Variants in ZNF385D observed in about 807,000 individuals in gnomAD.
The protein encoded by ZNF385D is zinc finger protein 659.
In ZNF385D, 15 loss-of-function variants were observed where a neutral mutation model predicts 35.8. That is an observed-to-expected ratio of 0.42 (90% CI 0.28 to 0.64). The LOEUF is 0.64. Among genes scored for constraint, ZNF385D ranks in the 30% least tolerant of loss-of-function variants. The probability of loss-of-function intolerance (pLI) is 0.23; values close to 1 mark genes in which losing one functional copy is unlikely to be tolerated. For synonymous variants in ZNF385D, 212 were observed against 186.8 expected, an observed-to-expected ratio of 1.13 and a Z score of -1.10; for missense variants, 474 against 494.6, an observed-to-expected ratio of 0.96 and a Z score of 0.39.
At chr3:22,352,512 C>G (rs929960605) in intron 2 of ZNF385D, among the ~76,000 whole-genome samples, 2 of 152,180 alleles carry the variant, frequency 1.3e-5, no homozygotes, top group African/African-American at 4.8e-5. Context: ...TCTTGGATTT[C>G]AAATTAAGAG....
At chr3:22,113,230 G>T (rs939966761) in intron 3 of ZNF385D, among the ~76,000 whole-genome samples, 1 of 151,978 alleles carries the variant, frequency 6.6e-6, no homozygotes, top group Admixed American at 6.6e-5. Context: ...TCCTGAATTG[G>T]TTTATTTCTG....
In ZNF385D at chr3:21,670,657, C is replaced by G. The variant is rs1213511981; in HGVS notation, c.23-5629G>C. Among the ~76,000 whole-genome samples the G allele has an allele frequency of 3.5e-3, 19 of 5,496 alleles. 5 individuals carry two copies. Among genetic ancestry groups the G allele is most frequent in the Non-Finnish European group, 0.011 (14 of 1,232 alleles). The allele number at this position is 5,496 out of a possible 152,430, so 3.6% of individuals were successfully genotyped here. A position where few individuals can be genotyped will look rare whatever the true frequency, so the allele number is the denominator to read the frequency against. On this transcript the variant is annotated intron_variant, in intron 1 of 7. Transcript: ENST00000281523. Reference sequence around the variant, plus strand: ...AAAATGAAATCCTAAGGCGCCCCCCCCCCCCCCCCCCCCCCCAATGACTGA... The same window carrying G: ...AAAATGAAATCCTAAGGCGCCCCCCGCCCCCCCCCCCCCCCCAATGACTGA...
intron 3 of ZNF385D, among the ~76,000 whole-genome samples, chr3:22,162,886 G>T (rs1413210581): frequency 6.6e-6 from 1 of 152,136 alleles, no homozygotes; most frequent in African/African-American, 2.4e-5. Context: ...GTCTTATTTG[G>T]ATTCCCAAGA....
intron 3 of ZNF385D, among the ~76,000 whole-genome samples, chr3:21,902,098 A>C (rs574282995): frequency 2.7e-4 from 41 of 152,304 alleles, no homozygotes; most frequent in African/African-American, 9.9e-4. Context: ...AATTAGATTA[A>C]AAGTTTCTTT....
At chr3:21,881,624 A>G (rs1047391622) in intron 3 of ZNF385D, among the ~76,000 whole-genome samples, 14 of 152,010 alleles carry the variant, frequency 9.2e-5, no homozygotes, top group Non-Finnish European at 5.9e-5. Context: ...CAACCCATGA[A>G]TCAAGGAGTA....
intron 3 of ZNF385D, among the ~76,000 whole-genome samples, chr3:22,138,241 C>A (rs1704274520): frequency 6.6e-6 from 1 of 152,114 alleles, no homozygotes; most frequent in Non-Finnish European, 1.5e-5. Flanking sequence ...GCCATACTGC[C>A]CAAGGCAATT....
intron 3 of ZNF385D, among the ~76,000 whole-genome samples, chr3:21,982,725 A>G (rs1005611880): frequency 3.3e-5 from 5 of 152,176 alleles, no homozygotes; most frequent in Admixed American, 2.0e-4. Flanking sequence ...TGGATTTGTC[A>G]TAGATGGCTC....
intron 2 of ZNF385D, among the ~76,000 whole-genome samples, chr3:22,338,281 A>T (rs1268623875): frequency 6.6e-6 from 1 of 152,028 alleles, no homozygotes; most frequent in East Asian, 1.9e-4. Flanking sequence ...TATGTTGACA[A>T]CTCTATTTTC....
intron 2 of ZNF385D, among the ~76,000 whole-genome samples, chr3:22,318,654 A>C (rs778078033): frequency 6.6e-6 from 1 of 152,214 alleles, no homozygotes; most frequent in Admixed American, 6.5e-5. Flanking sequence ...TATTAAGCAG[A>C]AAGGAATTAC....
At chr3:22,353,014 G>T (rs1185172004) in intron 2 of ZNF385D, among the ~76,000 whole-genome samples, 1 of 152,088 alleles carries the variant, frequency 6.6e-6, no homozygotes, top group Non-Finnish European at 1.5e-5. Flanking sequence ...GTTTCTAGAT[G>T]GTTCCTTATT....
chr3:22,123,956 CTCTCTCTATATATA>C lies in ZNF385D; in HGVS notation c.325+44847_325+44860del, dbSNP rs1404027151. Among the ~76,000 whole-genome samples, 469 of 86,584 alleles carry C rather than the reference CTCTCTCTATATATA, an allele frequency of 5.4e-3. 2 individuals carry two copies. The highest frequency in any genetic ancestry group is 0.013 in the Middle Eastern group (2 of 160). The allele number at this position is 86,584 out of a possible 152,430, so 56.8% of individuals were successfully genotyped here. ...TCTCTCTCTCTCTCTCTCTCTCTCT[CTCTCTCTATATATA>C]TATATATATATATATATATTGCTGA... On this transcript the variant is annotated intron_variant, in intron 3 of 5. Transcript: ENST00000494108.
At chr3:22,118,493 A>G (rs1462128618) in intron 3 of ZNF385D, among the ~76,000 whole-genome samples, 1 of 152,126 alleles carries the variant, frequency 6.6e-6, no homozygotes, top group Non-Finnish European at 1.5e-5. Flanking sequence ...TAGACTGTAC[A>G]TCTCCAAAGG....
intron 3 of ZNF385D, among the ~76,000 whole-genome samples, chr3:21,852,668 A>G (rs934299241): frequency 2.6e-5 from 4 of 151,980 alleles, no homozygotes; most frequent in African/African-American, 9.7e-5. Flanking sequence ...TTAGGACAAG[A>G]TGATTATGTC....
At chr3:21,710,347 A>G (rs1080021) in intron 1 of ZNF385D, among the ~76,000 whole-genome samples, 77,527 of 152,042 alleles carry the variant, frequency 0.51, 20,319 homozygotes, top group African/African-American at 0.63. Flanking sequence ...GCAAGACCCA[A>G]TGATCTGGTG....
chr3:21,598,742 T>A (rs1036999420), intron 2 of ZNF385D, among the ~76,000 whole-genome samples: 3 of 152,236 alleles, frequency 2.0e-5, no homozygotes, highest in Non-Finnish European at 4.4e-5. Flanking sequence ...TCTGAGGACT[T>A]GATATGGGAA....
At chr3:21,633,457 G>C (rs552646424) in intron 2 of ZNF385D, among the ~76,000 whole-genome samples, 1 of 151,986 alleles carries the variant, frequency 6.6e-6, no homozygotes, top group East Asian at 1.9e-4. Flanking sequence ...GAAAGAAAGA[G>C]CAAAGAAGTA....
chr3:22,273,736 C>T (rs1701289868), intron 2 of ZNF385D, among the ~76,000 whole-genome samples: 1 of 151,980 alleles, frequency 6.6e-6, no homozygotes, highest in African/African-American at 2.4e-5. Flanking sequence ...ATTTACAGAT[C>T]AGGAAGTTGA....
chr3:21,770,739 G>A (rs1392569847), intron 3 of ZNF385D, among the ~76,000 whole-genome samples: 3 of 152,114 alleles, frequency 2.0e-5, no homozygotes, highest in Non-Finnish European at 4.4e-5. Context: ...CCATTACTGG[G>A]TATATTCCCA....
At chr3:22,123,983 TATATATTGCTGACTGAACTCATCC>T (rs1270465641) in intron 3 of ZNF385D, among the ~76,000 whole-genome samples, 1 of 143,808 alleles carries the variant, frequency 7.0e-6, no homozygotes, top group African/African-American at 2.6e-5. Flanking sequence ...TATATATATA[TATATATTGCTGACTGAACTCATCC>T]TGTTGTGCAA....
Sources: allele counts gnomAD v4.1 joint callset (sites outside exome capture counted in the v4.1 genomes callset), GRCh38; gene constraint gnomAD v4.1.1; transcripts MANE v1.5; gene names NCBI Gene and HGNC (gene_info 2026-07-23, HGNC 2026-07-21).